Variants in AMELY observed in about 807,000 individuals in gnomAD.
AMELY encodes the protein amelogenin, Y isoform.
AMELY carries 4 observed loss-of-function variants against 4.2 expected under a neutral mutation model. The ratio of observed to expected loss-of-function variants is 0.96; its 90% CI spans 0.47 to 2.19. The LOEUF is 2.19. Among genes scored for constraint, AMELY ranks in the 30% most tolerant of loss-of-function variants. AMELY has a pLI of 0.02. For synonymous variants in AMELY, 11 were observed against 14.7 expected, an observed-to-expected ratio of 0.75 and a Z score of 0.57; for missense variants, 32 against 41.5, an observed-to-expected ratio of 0.77 and a Z score of 0.63.
At chrY:6,879,214 C>T (rs1603021950) in intron 1 of AMELY, among the ~76,000 whole-genome samples, 22 of 32,553 alleles carry the variant, frequency 6.8e-4, no homozygotes, top group Non-Finnish European at 9.1e-4. Context: ...TTTTAATGAT[C>T]GCCATTCTAA....
intron 1 of AMELY, among the ~76,000 whole-genome samples, chrY:6,885,140 T>G: frequency 5.9e-5 from 2 of 33,883 alleles, no homozygotes; most frequent in African/African-American, 2.3e-4. Context: ...TGTTGGAATA[T>G]AAGTTAGTTC....
chrY:6,890,580 A>T (rs773925686), intron 1 of AMELY, among the ~76,000 whole-genome samples: 35 of 34,161 alleles, frequency 1.0e-3, no homozygotes, highest in African/African-American at 3.5e-3. Flanking sequence ...AAAATCCCAG[A>T]TTATTTACAT....
intron 1 of AMELY, among the ~76,000 whole-genome samples, chrY:6,892,466 C>T (rs2054083647): frequency 3.1e-5 from 1 of 32,620 alleles, no homozygotes; most frequent in Admixed American, 2.8e-4. Context: ...ACCTTGAGAA[C>T]GTAGCAGATC....
chrY:6,880,978 C>T (rs2054074778), intron 1 of AMELY, among the ~76,000 whole-genome samples: 1 of 31,324 alleles, frequency 3.2e-5, no homozygotes. Flanking sequence ...AAAAAAGCAG[C>T]TCCTGGATTC....
intron 1 of AMELY, among the ~76,000 whole-genome samples, chrY:6,883,453 T>C (rs2054076560): frequency 3.2e-5 from 1 of 31,573 alleles, no homozygotes; most frequent in African/African-American, 1.2e-4. Flanking sequence ...GGGTGGGGAA[T>C]AGGGGAGGGA....
intron 1 of AMELY, among the ~76,000 whole-genome samples, chrY:6,875,015 T>C (rs2054071101): frequency 3.0e-5 from 1 of 33,830 alleles, no homozygotes; most frequent in Admixed American, 2.7e-4. Context: ...ATATTATAGC[T>C]GAATCTCTTT....
chrY:6,885,205 T>C, intron 1 of AMELY, among the ~76,000 whole-genome samples: 1 of 34,218 alleles, frequency 2.9e-5, no homozygotes, highest in Non-Finnish European at 7.3e-5. Context: ...ACAGGCCAGA[T>C]GCAGTGACTC....
chrY:6,900,134 T>C, intron 1 of AMELY, among the ~76,000 whole-genome samples: 1 of 33,529 alleles, frequency 3.0e-5, no homozygotes, highest in Non-Finnish European at 7.4e-5. Flanking sequence ...TTGTAATAAT[T>C]GAACAGGCTG....
intron 1 of AMELY, among the ~76,000 whole-genome samples, chrY:6,886,600 G>A (rs1365614800): frequency 3.0e-5 from 1 of 33,373 alleles, no homozygotes; most frequent in Non-Finnish European, 7.4e-5. Context: ...TCAAGCCTAC[G>A]GTTGAGGGTT....
chrY:6,887,274 T>C (rs1036516058), intron 1 of AMELY, among the ~76,000 whole-genome samples: 1 of 33,109 alleles, frequency 3.0e-5, no homozygotes, highest in Non-Finnish European at 7.4e-5. Flanking sequence ...AAGGAAAACA[T>C]CACCATGAGT....
intron 1 of AMELY, among the ~76,000 whole-genome samples, chrY:6,883,426 C>T: frequency 3.1e-5 from 1 of 31,808 alleles, no homozygotes; most frequent in Admixed American, 2.9e-4. Context: ...GGGAACATCA[C>T]ACATCGGGGC....
intron 1 of AMELY, among the ~76,000 whole-genome samples, chrY:6,883,357 C>G (rs2054076449): frequency 3.1e-5 from 1 of 32,723 alleles, no homozygotes; most frequent in Non-Finnish European, 7.5e-5. Flanking sequence ...GAAAACCAAA[C>G]ATTGCATGTT....
chrY:6,878,841 T>C (rs2124081736), intron 1 of AMELY, among the ~76,000 whole-genome samples: 1 of 33,471 alleles, frequency 3.0e-5, no homozygotes, highest in East Asian at 7.9e-4. Context: ...TCACCTGTTG[T>C]ATCGCTGGTA....
At chrY:6,890,837 AT>A (rs2054082567) in intron 1 of AMELY, among the ~76,000 whole-genome samples, 1 of 33,761 alleles carries the variant, frequency 3.0e-5, no homozygotes, top group African/African-American at 1.2e-4. Flanking sequence ...ACTTCCTCAC[AT>A]CAGCCAATAG....
chrY:6,910,527 G>C, intron 1 of AMELY, among the ~76,000 whole-genome samples: 1 of 32,814 alleles, frequency 3.0e-5, no homozygotes, highest in Non-Finnish European at 7.5e-5. Flanking sequence ...TGGCTGTTGG[G>C]GAGGGGCGGG....
At chrY:6,908,410 A>G in intron 1 of AMELY, among the ~76,000 whole-genome samples, 1 of 22,201 alleles carries the variant, frequency 4.5e-5, no homozygotes, top group African/African-American at 1.8e-4. Context: ...GAGCCGAGAT[A>G]GTGCCACTGC....
chrY:6,866,147 T>C (rs1603021099), intron 6 of AMELY, 69 bp from the exon 7 acceptor site: 2 of 146,571 alleles, frequency 1.4e-5, no homozygotes, highest in East Asian at 2.5e-4. Context: ...TTACAATACA[T>C]GTATGCCTTC....
In AMELY at chrY:6,871,995, A is replaced by AC. The variant is rs2054068420; in HGVS notation, c.54+559_54+560insG. On this transcript the variant is annotated intron_variant, in intron 3 of 6. Transcript: ENST00000651267. ...AACAACAACAACAACAACAACAACAAAAAAACCTACAAAAACCAAAAACTT... is the reference window on the plus strand; with the variant it reads ...AACAACAACAACAACAACAACAACAACAAAAACCTACAAAAACCAAAAACTT... 2.9e-4 allele frequency among the ~76,000 whole-genome samples: 9 copies of AC among 30,791 alleles called. No individual in the cohort carries two copies. The East Asian group carries it at 3.5e-3, about 12-fold the overall frequency. 82.6% of individuals were successfully genotyped at this position (30,791 alleles called of 37,273 possible). A position where few individuals can be genotyped will look rare whatever the true frequency, so the allele number is the denominator to read the frequency against.
chrY:6,908,876 A>T, intron 1 of AMELY, among the ~76,000 whole-genome samples: 2 of 33,127 alleles, frequency 6.0e-5, no homozygotes, highest in Non-Finnish European at 1.5e-4. Flanking sequence ...GCCTATGATA[A>T]AAGCTATTGA....
Sources: allele counts gnomAD v4.1 joint callset (sites outside exome capture counted in the v4.1 genomes callset), GRCh38; gene constraint gnomAD v4.1.1; transcripts MANE v1.5; gene names NCBI Gene and HGNC (gene_info 2026-07-23, HGNC 2026-07-21).